Variants in TP73 observed in about 807,000 individuals in gnomAD.
TP73 encodes tumor protein p73, also known as p53-like transcription factor.
Under a neutral mutation model 62.5 loss-of-function variants are expected in TP73, and 25 were observed. That is an observed-to-expected ratio of 0.40 (90% CI 0.29 to 0.56). The LOEUF is 0.56. Ranked by LOEUF, TP73 falls within the 20% of genes least tolerant of loss-of-function variation. The pLI is 0.46. For synonymous variants in TP73, 423 were observed against 377.5 expected, an observed-to-expected ratio of 1.12 and a Z score of -1.40; for missense variants, 754 against 913.3, an observed-to-expected ratio of 0.83 and a Z score of 2.25.
At chr1:3,730,865 T>C in intron 11 of TP73, 62 bp from the exon 12 acceptor site, 1 of 1,519,038 alleles carries the variant, frequency 6.6e-7, no homozygotes, top group African/African-American at 1.4e-5. Context: ...GGAGCCTGGG[T>C]GGAGGCTGCA....
At chr1:3,681,704 C>T (rs755088498) in intron 1 of TP73, among the ~76,000 whole-genome samples, 1 of 152,116 alleles carries the variant, frequency 6.6e-6, no homozygotes, top group Non-Finnish European at 1.5e-5. Context: ...AGGCTCTAGC[C>T]GGGGGCTTGG....
chr1:3,661,637 G>C (rs1644988962), intron 1 of TP73, among the ~76,000 whole-genome samples: 1 of 151,172 alleles, frequency 6.6e-6, no homozygotes, highest in Non-Finnish European at 1.5e-5. Context: ...TGAACCCAGG[G>C]AGATTCATGC....
intron 3 of TP73, among the ~76,000 whole-genome samples, chr1:3,691,856 G>C (rs987656022): frequency 3.0e-4 from 45 of 152,348 alleles, no homozygotes; most frequent in African/African-American, 1.1e-3. Flanking sequence ...GGATGTAGAG[G>C]CCCAAAGATC....
chr1:3,683,187 G>A lies in TP73; in HGVS notation c.186+7G>A, dbSNP rs199602778. The A allele has an allele frequency of 1.6e-4, 219 of 1,377,916 alleles. 2 individuals are homozygous for A. The African/African-American group carries it at 5.1e-3, about 32-fold the overall frequency. 85.4% of individuals were successfully genotyped at this position (1,377,916 alleles called of 1,614,324 possible). ...CATGACTACATCTGTCATGGTGAGTGGGGGGGCTGCCCTCTGCAAGAGGAC... is the reference window on the plus strand; with the variant it reads ...CATGACTACATCTGTCATGGTGAGTAGGGGGGCTGCCCTCTGCAAGAGGAC... On this transcript the variant is annotated splice_region_variant and intron_variant, in intron 3 of 13. Transcript: ENST00000378295.
intron 4 of TP73, among the ~76,000 whole-genome samples, chr1:3,716,654 A>G (rs1162718381): frequency 1.3e-5 from 2 of 152,316 alleles, no homozygotes; most frequent in Non-Finnish European, 2.9e-5. Context: ...AGTGAAGGCC[A>G]CAGCCTCCCA....
Position 3,732,837 on chromosome 1 carries a change from G to T in TP73, c.1669G>T (p.Ala557Ser). The change falls in exon 14 of 14, where the codon GCG becomes TCG. Residue 557 changes from alanine (A) to serine (S), a missense_variant. By Grantham distance (99) the Ala-to-Ser change is moderately conservative. Coordinates refer to ENST00000378295, the MANE Select transcript of TP73 (RefSeq NM_005427.4). ...DLKQGHDYST[A>S]QQLLRSSNAA... Reference sequence around the variant, plus strand: ...GAAGCAGGGCCACGACTACAGCACCGCGCAGCAGCTGCTCCGCTCTAGCAA... The same window carrying T: ...GAAGCAGGGCCACGACTACAGCACCTCGCAGCAGCTGCTCCGCTCTAGCAA... 6.2e-7 allele frequency: 1 copy of T among 1,611,866 alleles called. No homozygotes were observed. The highest frequency in any genetic ancestry group is 1.7e-4 in the Middle Eastern group (1 of 6,058).
rs61120011 is a variant in TP73 at position 3,706,425 on chromosome 1, G to A, written c.187-1124G>A. 6.9e-3 allele frequency among the ~76,000 whole-genome samples: 658 copies of A among 95,780 alleles called. 3 individuals carry two copies. The highest frequency in any genetic ancestry group is 0.012 in the African/African-American group (319 of 26,214). The allele number at this position is 95,780 out of a possible 152,430, so 62.8% of individuals were successfully genotyped here. On this transcript the variant is annotated intron_variant, in intron 3 of 13. Coordinates refer to ENST00000378295, the MANE Select transcript of TP73 (RefSeq NM_005427.4). ...CGGTGCCCGCCGCAGGCCCGGGGAG[G>A]GGGGTAATAGGGACAATCACGGTGC...
At chr1:3,695,558 C>T (rs1274675096) in intron 3 of TP73, among the ~76,000 whole-genome samples, 2 of 152,244 alleles carry the variant, frequency 1.3e-5, no homozygotes, top group African/African-American at 4.8e-5. Context: ...GGATCTGGAG[C>T]TTTGGACACC....
At chr1:3,674,808 CCTG>C (rs1331491225) in intron 1 of TP73, among the ~76,000 whole-genome samples, 13 of 152,208 alleles carry the variant, frequency 8.5e-5, no homozygotes, top group Admixed American at 2.6e-4. Flanking sequence ...CTGATGACGC[CCTG>C]CAGGAATTCC....
Position 3,729,800 on chromosome 1 carries a change from T to G in TP73, c.1197-200T>G, listed in dbSNP as rs540209948. 3.1e-5 allele frequency: 26 copies of G among 837,618 alleles called. No individual in the cohort carries two copies. The East Asian group carries it at 6.7e-4, about 22-fold the overall frequency. The allele number at this position is 837,618 out of a possible 1,614,324, so 51.9% of individuals were successfully genotyped here. ...ATCCCCCTGCCTCCCGGCCCCGCCA[T>G]GGCCAGTGTCCTTCTCAGGCGCAGG... On this transcript the variant is annotated intron_variant, in intron 10 of 13. Transcript: ENST00000378295.
Position 3,730,058 on chromosome 1 carries a change from G to C in TP73, c.1255G>C (p.Gly419Arg), listed in dbSNP as rs912271457. 3.7e-6 allele frequency: 6 copies of C among 1,607,440 alleles called. No homozygotes were observed. Among genetic ancestry groups the C allele is most frequent in the Non-Finnish European group, 5.1e-6 (6 of 1,177,562 alleles). The change falls in exon 11 of 14, where the codon GGG becomes CGG. Residue 419 changes from glycine (G) to arginine (R), a missense_variant. This residue lies in a region of TP73 where 458 missense variants were observed against 528.7 expected (regional missense o/e 0.87). Coordinates refer to ENST00000378295, the MANE Select transcript of TP73 (RefSeq NM_005427.4). ...CCTCTCGCCCATGAACAAGGTGCAC[G>C]GGGGCATGAACAAGCTGCCCTCCGT... Reference protein sequence around the residue: ...PVLSPMNKVHGGMNKLPSVNQ... With the variant: ...PVLSPMNKVHRGMNKLPSVNQ...
chr1:3,709,484 C>T (rs1042825326), intron 4 of TP73, among the ~76,000 whole-genome samples: 5 of 152,228 alleles, frequency 3.3e-5, no homozygotes, highest in Non-Finnish European at 4.4e-5. Flanking sequence ...GAGGCCCATG[C>T]GTTGTCTTAA....
rs372637148 is a variant in TP73, at chr1:3,729,985, G to A, written c.1197-15G>A. The stretch of plus-strand genomic sequence containing the variant: ...GCCTTGCTTCCCACCCATGCGAGCC[G>A]TTGCTTCTGAGCAGGAGTCACCTAC... On this transcript the variant is annotated splice_polypyrimidine_tract_variant and intron_variant, in intron 10 of 13. Coordinates refer to ENST00000378295, the MANE Select transcript of TP73 (RefSeq NM_005427.4). 21 of 1,573,696 alleles carry A rather than the reference G, an allele frequency of 1.3e-5. 1 individual carries two copies. Among genetic ancestry groups the A allele is most frequent in the Middle Eastern group, 1.7e-4 (1 of 5,874 alleles).
At chr1:3,725,575 T>G (rs2124497960) in intron 6 of TP73, among the ~76,000 whole-genome samples, 3 of 76,696 alleles carry the variant, frequency 3.9e-5, no homozygotes, top group Admixed American at 1.7e-4. Flanking sequence ...GGTGAATGGA[T>G]GGATGGGTGG....
At chr1:3,669,213 G>A (rs924952191) in intron 1 of TP73, among the ~76,000 whole-genome samples, 18 of 152,216 alleles carry the variant, frequency 1.2e-4, no homozygotes, top group Non-Finnish European at 2.5e-4. Flanking sequence ...GAGTCGGGGG[G>A]AGTCTCCTTG....
At chr1:3,688,847 A>G (rs1448318333) in intron 3 of TP73, among the ~76,000 whole-genome samples, 1 of 152,130 alleles carries the variant, frequency 6.6e-6, no homozygotes, top group Admixed American at 6.5e-5. Flanking sequence ...CTCGTGCTGA[A>G]GGCAGCCTGG....
chr1:3,720,991 G>A (rs1330265537), intron 4 of TP73, among the ~76,000 whole-genome samples: 1 of 152,230 alleles, frequency 6.6e-6, no homozygotes, highest in African/African-American at 2.4e-5. Context: ...AGAGGGCATG[G>A]GGTGGCAGCA....
intron 4 of TP73, among the ~76,000 whole-genome samples, chr1:3,711,739 C>T (rs3819962): frequency 0.14 from 21,996 of 152,274 alleles, 1,735 homozygotes; most frequent in Middle Eastern, 0.18. Context: ...GGTGCGATGG[C>T]CAGCTGCCCC....
intron 4 of TP73, 23 bp downstream of exon 4, chr1:3,707,814 G>A (rs753305615): frequency 3.8e-6 from 6 of 1,589,656 alleles, no homozygotes; most frequent in Non-Finnish European, 5.1e-6. Flanking sequence ...AGTCCCTGAG[G>A]GCTGCGGGCT....
Sources: allele counts gnomAD v4.1 joint callset (sites outside exome capture counted in the v4.1 genomes callset), GRCh38; gene constraint gnomAD v4.1.1; regional missense constraint gnomAD v4.1.1; transcripts MANE v1.5; gene names NCBI Gene and HGNC (gene_info 2026-07-23, HGNC 2026-07-21).